USP45: variants seen among roughly 807,000 people sequenced by gnomAD.
USP45 encodes the protein ubiquitin specific peptidase 45.
Under a neutral mutation model 95.8 loss-of-function variants are expected in USP45, and 89 were observed. The ratio of observed to expected loss-of-function variants is 0.93; its 90% CI spans 0.78 to 1.11. USP45 has a LOEUF of 1.11. Among genes scored for constraint, USP45 ranks in the 50% least tolerant of loss-of-function variants. The probability of loss-of-function intolerance (pLI) is 0.00; values close to 1 mark genes in which losing one functional copy is unlikely to be tolerated. For synonymous variants in USP45, 281 were observed against 316.2 expected (o/e 0.89, Z 1.18); for missense variants, 898 against 942.5 (o/e 0.95, Z 0.62).
At chr6:99,451,044 A>T (rs1294865113) in intron 13 of USP45, among the ~76,000 whole-genome samples, 4 of 152,226 alleles carry the variant, frequency 2.6e-5, no homozygotes, top group African/African-American at 9.6e-5. Flanking sequence ...TCAAAATAAT[A>T]AGAGCTATCT....
chr6:99,454,912 A>G (rs1421961643), intron 13 of USP45, among the ~76,000 whole-genome samples: 1 of 151,488 alleles, frequency 6.6e-6, no homozygotes, highest in South Asian at 2.1e-4. Flanking sequence ...CATGGTGAAA[A>G]CCCTGTCTCT....
chr6:99,460,871 A>T (rs1786278823), intron 13 of USP45: 2 of 975,194 alleles, frequency 2.1e-6, no homozygotes, highest in Non-Finnish European at 2.4e-6. Flanking sequence ...CACAAAAATT[A>T]TTCAATTAAA....
intron 17 of USP45, 93 bp downstream of exon 17, chr6:99,437,153 A>G: frequency 7.9e-7 from 1 of 1,269,484 alleles, no homozygotes; most frequent in South Asian, 1.5e-5. Context: ...CAAATCCACT[A>G]GAGGCATCTA....
intron 9 of USP45, among the ~76,000 whole-genome samples, chr6:99,472,193 T>C (rs1420485872): frequency 6.6e-6 from 1 of 151,162 alleles, no homozygotes; most frequent in Admixed American, 6.7e-5. Context: ...TTTTAATCCA[T>C]TCACATGACT....
At chr6:99,464,862 TAAAA>T in intron 12 of USP45, 115 bp from the exon 13 acceptor site, 1 of 1,254,472 alleles carries the variant, frequency 8.0e-7, no homozygotes. Context: ...ATTATCAAAA[TAAAA>T]AGTGTTTAAG....
At position 99,479,531 on chromosome 6, in the gene USP45, A is replaced by C. The variant is rs1212443575; in HGVS notation, c.845+3222T>G. Among the ~76,000 whole-genome samples, 6 of 136,032 alleles carry C rather than the reference A, an allele frequency of 4.4e-5. No homozygotes were observed. In the Admixed American group the frequency reaches 5.2e-4, roughly 12 times the overall value. 89.2% of individuals were successfully genotyped at this position (136,032 alleles called of 152,430 possible). ...AGTACACTTTAAATATGTACAATTTATTTTATGTCACATATACCTTACTAA... is the reference window on the plus strand; with the variant it reads ...AGTACACTTTAAATATGTACAATTTCTTTTATGTCACATATACCTTACTAA... On this transcript the variant is annotated intron_variant, in intron 8 of 17. Coordinates refer to ENST00000500704, the MANE Select transcript of USP45 (RefSeq NM_001346022.3).
At chr6:99,454,881 G>A (rs915813485) in intron 13 of USP45, among the ~76,000 whole-genome samples, 10 of 152,146 alleles carry the variant, frequency 6.6e-5, no homozygotes, top group Admixed American at 5.9e-4. Context: ...GAGGTCAAGA[G>A]TTCAAGACCA....
At chr6:99,463,423 G>A (rs1234433946) in intron 13 of USP45, among the ~76,000 whole-genome samples, 1 of 152,130 alleles carries the variant, frequency 6.6e-6, no homozygotes, top group Non-Finnish European at 1.5e-5. Flanking sequence ...AAATGTCTCA[G>A]AGGAGAAATA....
chr6:99,452,790 A>G (rs865940361), intron 13 of USP45, among the ~76,000 whole-genome samples: 3 of 152,212 alleles, frequency 2.0e-5, no homozygotes, highest in Non-Finnish European at 2.9e-5. Flanking sequence ...ATGTCCATCA[A>G]TGATAGACTG....
upstream of USP45, among the ~76,000 whole-genome samples, chr6:99,515,818 A>G (rs1335844765): frequency 8.7e-6 from 1 of 115,382 alleles, no homozygotes; most frequent in Non-Finnish European, 1.6e-5. Context: ...TCTGTCGCCC[A>G]GGCTGCAGTG....
intron 14 of USP45, among the ~76,000 whole-genome samples, chr6:99,444,808 T>A (rs891367952): frequency 2.0e-5 from 3 of 152,192 alleles, no homozygotes; most frequent in African/African-American, 7.2e-5. Context: ...CGCTGGTGCT[T>A]CCCTGTGTGG....
intron 5 of USP45, chr6:99,502,074 G>A (rs1292550362): frequency 4.0e-6 from 5 of 1,242,948 alleles, no homozygotes; most frequent in African/African-American, 1.6e-5. Flanking sequence ...AAATCAATAT[G>A]GCCAATGATT....
intron 1 of USP45, among the ~76,000 whole-genome samples, chr6:99,511,879 A>ATATATATATC (rs1799957305): frequency 3.6e-5 from 5 of 138,792 alleles, no homozygotes; most frequent in Non-Finnish European, 7.8e-5. Flanking sequence ...ATATATATAT[A>ATATATATATC]TATATATACA....
chr6:99,440,475 GCTAAT>G (rs1781316802), intron 15 of USP45, among the ~76,000 whole-genome samples: 1 of 151,990 alleles, frequency 6.6e-6, no homozygotes, highest in African/African-American at 2.4e-5. Context: ...ATAAAAACTA[GCTAAT>G]AAAATATCAA....
At chr6:99,475,647 T>C (rs1036327768) in intron 9 of USP45, among the ~76,000 whole-genome samples, 5 of 152,066 alleles carry the variant, frequency 3.3e-5, no homozygotes, top group Admixed American at 6.6e-5. Context: ...TAGTTTAAAT[T>C]ATTTTATTTA....
intron 13 of USP45, among the ~76,000 whole-genome samples, chr6:99,452,407 T>G (rs966559797): frequency 1.3e-5 from 2 of 152,052 alleles, no homozygotes; most frequent in African/African-American, 4.8e-5. Flanking sequence ...TTTATGCAGC[T>G]AACAGACACA....
chr6:99,479,015 A>C (rs12528201), intron 8 of USP45, among the ~76,000 whole-genome samples: 22,394 of 151,604 alleles, frequency 0.15, 2,437 homozygotes, highest in Non-Finnish European at 0.21. Context: ...GCAACAACAA[A>C]AAAAAAAACA....
chr6:99,445,695 A>C (rs1782404783), intron 14 of USP45, 102 bp downstream of exon 14: 1 of 880,994 alleles, frequency 1.1e-6, no homozygotes. Flanking sequence ...CCTAAGTAAC[A>C]CAAGTATAGG....
chr6:99,458,883 A>T (rs1001539278), intron 13 of USP45, among the ~76,000 whole-genome samples: 14 of 152,264 alleles, frequency 9.2e-5, no homozygotes, highest in Admixed American at 7.8e-4. Context: ...AAGTCTAGCT[A>T]GAAAATAGAG....
Sources: gnomAD v4.1 joint callset for allele counts (sites outside exome capture counted in the v4.1 genomes callset) on GRCh38, gnomAD v4.1.1 for gene constraint, MANE v1.5 for transcripts, NCBI Gene and HGNC (gene_info 2026-07-23, HGNC 2026-07-21) for gene names.